ADGRG3: variants seen among roughly 807,000 people sequenced by gnomAD.
ADGRG3 encodes the protein adhesion G protein-coupled receptor G3.
A neutral mutation model predicts 54.3 loss-of-function variants in ADGRG3; 39 were observed. That is an observed-to-expected ratio of 0.72 (90% CI 0.56 to 0.94). The LOEUF (loss-of-function observed/expected upper bound fraction) is 0.94, where lower values mean the gene tolerates loss of function less well. ADGRG3 is among the 40% of genes least tolerant of loss of function. The pLI is 0.00. For missense variants in ADGRG3, 654 were observed against 694.6 expected (o/e 0.94, Z 0.66); for synonymous variants, 312 against 290.0 (o/e 1.08, Z -0.77).
chr16:57,669,458 C>T (rs1309819575), intron 1 of ADGRG3, among the ~76,000 whole-genome samples: 1 of 152,168 alleles, frequency 6.6e-6, no homozygotes, highest in Non-Finnish European at 1.5e-5. Context: ...AACGGAGCCA[C>T]CGATGGCAGC....
Position 57,688,597 on chromosome 16 carries a change from G to A in ADGRG3, c.*136G>A. The A allele has an allele frequency of 1.5e-6, 1 of 669,212 alleles. No individual in the cohort carries two copies. The highest frequency in any genetic ancestry group is 2.7e-6 in the Non-Finnish European group (1 of 367,268). 41.5% of individuals were successfully genotyped at this position (669,212 alleles called of 1,614,324 possible). On this transcript the variant is annotated 3_prime_UTR_variant, in exon 12 of 12. Coordinates refer to ENST00000333493, the MANE Select transcript of ADGRG3 (RefSeq NM_170776.5). ...GGGAGGGAGAGGATGGGACCAGGTT[G>A]GACCACGTGGCATCAGAGGTCCCAT...
chr16:57,684,318 A>G (rs1422882401), intron 9 of ADGRG3, 72 bp from the exon 10 acceptor site: 21 of 1,562,580 alleles, frequency 1.3e-5, no homozygotes, highest in Admixed American at 1.2e-4. Context: ...AGGGATGGCC[A>G]TCTGGAGGGG....
In ADGRG3 at chr16:57,678,584, G is replaced by A. The variant is rs1174967710; in HGVS notation, c.492+268G>A. ...TTGTCTATGTGTCCTGTGGGTGCTC[G>A]TGTGCTCTGTGTGTCCTCGTGCATG... On this transcript the variant is annotated intron_variant, in intron 4 of 11. Coordinates refer to ENST00000333493, the MANE Select transcript of ADGRG3 (RefSeq NM_170776.5). 2.3e-5 allele frequency: 12 copies of A among 522,756 alleles called. No individual in the cohort carries two copies. In the East Asian group the frequency reaches 2.6e-4, roughly 11 times the overall value. The allele number at this position is 522,756 out of a possible 1,614,324, so 32.4% of individuals were successfully genotyped here.
At chr16:57,679,747 C>A in intron 5 of ADGRG3, 69 bp from the exon 6 acceptor site, 1 of 1,251,732 alleles carries the variant, frequency 8.0e-7, no homozygotes. Flanking sequence ...GCACACCGTC[C>A]TCCCGCTTCC....
rs528663047 is a variant in ADGRG3, at chr16:57,682,718, T to C, written c.882-1214T>C. The C allele has an allele frequency of 5.0e-6, 4 of 797,124 alleles. No homozygotes were observed. In the East Asian group the frequency reaches 3.8e-4, roughly 76 times the overall value. 49.4% of individuals were successfully genotyped at this position (797,124 alleles called of 1,614,324 possible). ...CTTTTGGATCTGGTTTGCTAAGAAT[T>C]CAGAGTGGGGGCTCCAGAGAGAGGG... On this transcript the variant is annotated intron_variant, in intron 8 of 11. Transcript: ENST00000333493.
At chr16:57,678,073 C>T (rs1597765861) in intron 3 of ADGRG3, 97 bp from the exon 4 acceptor site, 3 of 1,490,214 alleles carry the variant, frequency 2.0e-6, no homozygotes, top group Non-Finnish European at 9.2e-7. Context: ...GTGCTGCCCC[C>T]TACCCAGTGT....
intron 1 of ADGRG3, among the ~76,000 whole-genome samples, chr16:57,671,884 G>A (rs1173136208): frequency 3.3e-5 from 5 of 152,314 alleles, no homozygotes; most frequent in South Asian, 2.1e-4. Flanking sequence ...TAGTCCAAGC[G>A]TGGTAGCTCA....
At chr16:57,666,653 G>C (rs911462372), upstream of ADGRG3, among the ~76,000 whole-genome samples, 2 of 152,166 alleles carry the variant, frequency 1.3e-5, no homozygotes, top group East Asian at 1.9e-4. Flanking sequence ...GGTTGGGGGG[G>C]GTCTCAGGGT....
intron 1 of ADGRG3, among the ~76,000 whole-genome samples, chr16:57,672,237 G>A (rs11861736): frequency 0.017 from 2,634 of 151,984 alleles, 39 homozygotes; most frequent in African/African-American, 0.041. Flanking sequence ...TTTAAAAAAC[G>A]ATGTATCGGC....
chr16:57,676,237 G>A lies in ADGRG3; in HGVS notation c.244G>A (p.Gly82Ser). Residue 82 changes from glycine (G) to serine (S), a missense_variant, in exon 3 of 12, where the codon GGT becomes AGT. Coordinates refer to ENST00000333493, the MANE Select transcript of ADGRG3 (RefSeq NM_170776.5). ...LNYEAHLMKE[G>S]LTQKVNTPFL... is the part of the protein sequence containing the mutation. ...CTACGAGGCCCATCTGATGAAGGAA[G>A]GTTTGACGCAGAAGGTGAACACGCC... The A allele has an allele frequency of 6.2e-7, 1 of 1,614,118 alleles. No homozygotes were observed. Among genetic ancestry groups the A allele is most frequent in the Non-Finnish European group, 8.5e-7 (1 of 1,179,978 alleles).
chr16:57,687,457 G>A (rs1307676425), intron 11 of ADGRG3, among the ~76,000 whole-genome samples: 1 of 152,138 alleles, frequency 6.6e-6, no homozygotes, highest in African/African-American at 2.4e-5. Context: ...TCACCATACT[G>A]GTCAGGCTGG....
upstream of ADGRG3, among the ~76,000 whole-genome samples, chr16:57,667,013 C>T (rs2048073602): frequency 6.6e-6 from 1 of 152,208 alleles, no homozygotes; most frequent in African/African-American, 2.4e-5. Context: ...AGTGGCAGGC[C>T]CAGCCATTCA....
At chr16:57,688,229 C>T (rs1384859414) in intron 11 of ADGRG3, 123 bp from the exon 12 acceptor site, 1 of 679,770 alleles carries the variant, frequency 1.5e-6, no homozygotes, top group Non-Finnish European at 2.7e-6. Context: ...TGCATTTTTG[C>T]CTTTCCCAGC....
At chr16:57,687,392 C>T (rs557521017) in intron 11 of ADGRG3, among the ~76,000 whole-genome samples, 3 of 152,252 alleles carry the variant, frequency 2.0e-5, no homozygotes, top group African/African-American at 7.2e-5. Context: ...GCTGGAACTA[C>T]AGGCACATGC....
intron 8 of ADGRG3, among the ~76,000 whole-genome samples, chr16:57,681,726 CAAAAAAAAAA>C (rs775852211): frequency 1.3e-5 from 1 of 75,214 alleles, no homozygotes; most frequent in Non-Finnish European, 2.8e-5. Context: ...AACTCCGTCT[CAAAAAAAAAA>C]AAAAAAAAAA....
At chr16:57,676,131 C>G in intron 2 of ADGRG3, 69 bp from the exon 3 acceptor site, 1 of 1,471,902 alleles carries the variant, frequency 6.8e-7, no homozygotes. Context: ...CCTCTCACCC[C>G]AGGAGCCTGA....
chr16:57,679,345 AG>A, intron 5 of ADGRG3, 34 bp downstream of exon 5: 2 of 1,610,938 alleles, frequency 1.2e-6, no homozygotes, highest in Non-Finnish European at 1.7e-6. Context: ...CAGCCACTGC[AG>A]GGCAGACAGG....
chr16:57,677,937 A>G (rs1308534975), intron 3 of ADGRG3, among the ~76,000 whole-genome samples: 3 of 152,024 alleles, frequency 2.0e-5, no homozygotes, highest in African/African-American at 7.2e-5. Context: ...GCTTAGCTCT[A>G]CTCTCTGTAT....
upstream of ADGRG3, among the ~76,000 whole-genome samples, chr16:57,667,687 C>T (rs1311642815): frequency 1.3e-5 from 2 of 152,200 alleles, no homozygotes; most frequent in African/African-American, 4.8e-5. Flanking sequence ...GCTGTCTTCC[C>T]GCTACCCTGC....
Sources: allele counts gnomAD v4.1 joint callset (sites outside exome capture counted in the v4.1 genomes callset), GRCh38; gene constraint gnomAD v4.1.1; transcripts MANE v1.5; gene names NCBI Gene and HGNC (gene_info 2026-07-23, HGNC 2026-07-21).